DOCK2: variants seen among roughly 807,000 people sequenced by gnomAD.
DOCK2 encodes dedicator of cytokinesis protein 2.
DOCK2 carries 87 observed loss-of-function variants against 248.9 expected under a neutral mutation model. The ratio of observed to expected loss-of-function variants is 0.35; its 90% CI spans 0.29 to 0.42. The LOEUF is 0.42. Ranked by LOEUF, DOCK2 falls within the 10% of genes least tolerant of loss-of-function variation. DOCK2 has a pLI of 1.00. For missense variants in DOCK2, 1,747 were observed against 2,300.2 expected, an observed-to-expected ratio of 0.76 and a Z score of 4.92; for synonymous variants, 805 against 821.6, an observed-to-expected ratio of 0.98 and a Z score of 0.35.
intron 15 of DOCK2, among the ~76,000 whole-genome samples, chr5:169,709,673 A>G (rs1761472184): frequency 6.6e-6 from 1 of 152,180 alleles, no homozygotes; most frequent in East Asian, 1.9e-4. Flanking sequence ...GTGAGCTGAG[A>G]TTGCACCACT....
intron 27 of DOCK2, among the ~76,000 whole-genome samples, chr5:169,873,612 G>A (rs1210827358): frequency 4.6e-5 from 7 of 152,192 alleles, no homozygotes; most frequent in Admixed American, 3.9e-4. Flanking sequence ...GCTCCACGCT[G>A]GGACACTGTC....
chr5:169,934,910 C>T, intron 27 of DOCK2: 2 of 336,602 alleles, frequency 5.9e-6, no homozygotes, highest in Non-Finnish European at 1.2e-5. Context: ...TCTGATTAAA[C>T]AACAATGACC....
At chr5:169,692,438 G>T (rs1760361108) in intron 9 of DOCK2, among the ~76,000 whole-genome samples, 1 of 151,446 alleles carries the variant, frequency 6.6e-6, no homozygotes, top group South Asian at 2.1e-4. Context: ...ATTGCCAGTT[G>T]ACACACCCTC....
intron 42 of DOCK2, among the ~76,000 whole-genome samples, chr5:170,055,847 A>G (rs1051315020): frequency 1.3e-5 from 2 of 152,236 alleles, no homozygotes; most frequent in African/African-American, 4.8e-5. Context: ...AGGCTCTGAT[A>G]AAGGAACAGT....
At chr5:170,075,137 A>AT (rs1757795290) in intron 46 of DOCK2, among the ~76,000 whole-genome samples, 1 of 152,060 alleles carries the variant, frequency 6.6e-6, no homozygotes, top group African/African-American at 2.4e-5. Context: ...CATGAAAGCA[A>AT]TTTTTCCCCC....
At chr5:169,882,531 T>C (rs1335219576) in intron 27 of DOCK2, 1 of 1,517,172 alleles carries the variant, frequency 6.6e-7, no homozygotes, top group Admixed American at 2.1e-5. Context: ...TCATTTTTAA[T>C]ATGAAAAAAA....
At position 169,980,942 on chromosome 5, in the gene DOCK2, G is replaced by T. The variant is rs370872116; in HGVS notation, c.2800-2126G>T. ...AGTCCCAGCTTTGTGATCTCCGCCG[G>T]ATTTGCATGTTTTCTAGTCATTTAC... On this transcript the variant is annotated intron_variant, in intron 27 of 51. Coordinates refer to ENST00000520908, the MANE Select transcript of DOCK2 (RefSeq NM_004946.3). 2.0e-5 allele frequency among the ~76,000 whole-genome samples: 3 copies of T among 152,278 alleles called. No individual in the cohort carries two copies. In the East Asian group the frequency reaches 5.8e-4, roughly 29 times the overall value.
At chr5:169,825,930 T>C (rs917645557) in intron 26 of DOCK2, among the ~76,000 whole-genome samples, 5 of 151,788 alleles carry the variant, frequency 3.3e-5, no homozygotes, top group Admixed American at 1.3e-4. Flanking sequence ...GGAGAGGAGA[T>C]GGTACATACA....
chr5:169,757,049 A>G (rs1366939235), intron 23 of DOCK2, among the ~76,000 whole-genome samples: 1 of 152,112 alleles, frequency 6.6e-6, no homozygotes, highest in Non-Finnish European at 1.5e-5. Flanking sequence ...TGCAGCCTGC[A>G]TTTGTGTTTG....
intron 26 of DOCK2, among the ~76,000 whole-genome samples, chr5:169,831,632 C>T (rs1769232021): frequency 6.6e-6 from 1 of 152,184 alleles, no homozygotes; most frequent in Non-Finnish European, 1.5e-5. Flanking sequence ...ATCTCTAAAT[C>T]TGGAATTGTA....
chr5:169,692,699 TG>T (rs1760380957), intron 9 of DOCK2, among the ~76,000 whole-genome samples: 2 of 152,216 alleles, frequency 1.3e-5, no homozygotes, highest in South Asian at 4.1e-4. Flanking sequence ...TATCACAGAT[TG>T]GTTCATGCAA....
rs753735550 is a variant in DOCK2 at position 169,890,399 on chromosome 5, CT to C, written c.2799+49549del. On this transcript the variant is annotated intron_variant, in intron 27 of 51. Transcript: ENST00000520908. The stretch of plus-strand genomic sequence containing the variant: ...CCTTCCATTTGTCTTCAGTTAATTG[CT>C]TGGTCAAATCTGTTGGTAAGGGTTA... Among the ~76,000 whole-genome samples, 42 of 152,172 alleles carry C rather than the reference CT, an allele frequency of 2.8e-4. 1 individual carries two copies. The highest frequency in any genetic ancestry group is 1.9e-4 in the Non-Finnish European group (13 of 68,028).
At chr5:170,080,392 C>T in intron 50 of DOCK2, 109 bp downstream of exon 50, 2 of 1,519,244 alleles carry the variant, frequency 1.3e-6, no homozygotes, top group East Asian at 2.3e-5. Context: ...GTGGGCCAGG[C>T]ATCCTGGAGT....
intron 2 of DOCK2, among the ~76,000 whole-genome samples, chr5:169,656,202 C>T (rs1419075752): frequency 6.6e-6 from 1 of 152,224 alleles, no homozygotes; most frequent in African/African-American, 2.4e-5. Context: ...CAACTCTCCT[C>T]AGTGCCTCTT....
chr5:169,945,593 G>T (rs1307414943), intron 27 of DOCK2, among the ~76,000 whole-genome samples: 1 of 152,250 alleles, frequency 6.6e-6, no homozygotes, highest in African/African-American at 2.4e-5. Context: ...GCTCAGAGAA[G>T]TGAAGTCTGT....
chr5:169,935,455 T>C (rs1263258112), intron 27 of DOCK2, among the ~76,000 whole-genome samples: 2 of 152,190 alleles, frequency 1.3e-5, no homozygotes, highest in Admixed American at 1.3e-4. Flanking sequence ...AACTGTCAAC[T>C]TAATGGTGGA....
chr5:169,656,859 G>A (rs969253484), intron 2 of DOCK2, among the ~76,000 whole-genome samples: 2 of 152,172 alleles, frequency 1.3e-5, no homozygotes, highest in South Asian at 4.1e-4. Flanking sequence ...CTTTACGAAG[G>A]CTACTCTGGT....
At chr5:169,754,122 G>A (rs1764061861) in intron 23 of DOCK2, among the ~76,000 whole-genome samples, 1 of 151,988 alleles carries the variant, frequency 6.6e-6, no homozygotes, top group Non-Finnish European at 1.5e-5. Context: ...GAGAAAGGGA[G>A]GAGAGAGAGA....
chr5:169,782,305 G>C (rs180739483), intron 25 of DOCK2, among the ~76,000 whole-genome samples: 1 of 152,190 alleles, frequency 6.6e-6, no homozygotes, highest in East Asian at 1.9e-4. Context: ...GACAGACCCT[G>C]GGTTTGGGGT....
Sources: gnomAD v4.1 joint callset for allele counts (sites outside exome capture counted in the v4.1 genomes callset) on GRCh38, gnomAD v4.1.1 for gene constraint, MANE v1.5 for transcripts, NCBI Gene and HGNC (gene_info 2026-07-23, HGNC 2026-07-21) for gene names.